The following RRAS2 variants were observed in gnomAD, a reference collection of about 807,000 sequenced individuals.
The protein encoded by RRAS2 is ras-related protein R-Ras2.
In RRAS2, 7 loss-of-function variants were observed where a neutral mutation model predicts 27.6. The observed-to-expected ratio is 0.25, with a 90% confidence interval of 0.14 to 0.48. RRAS2 has a LOEUF of 0.48. Among genes scored for constraint, RRAS2 ranks in the 20% least tolerant of loss-of-function variants. The probability of loss-of-function intolerance (pLI) is 0.99; values close to 1 mark genes in which losing one functional copy is unlikely to be tolerated. For missense variants in RRAS2, 178 were observed against 256.2 expected (o/e 0.69, Z 2.08); for synonymous variants, 86 against 90.9 (o/e 0.95, Z 0.31).
At chr11:14,281,751 A>G in intron 4 of RRAS2, 31 bp from the exon 5 acceptor site, 1 of 1,524,982 alleles carries the variant, frequency 6.6e-7, no homozygotes, top group Non-Finnish European at 9.0e-7. Context: ...TTTATGGTAC[A>G]TTATTAACAA....
chr11:14,317,707 T>C (rs1007854576), intron 1 of RRAS2, among the ~76,000 whole-genome samples: 2 of 152,172 alleles, frequency 1.3e-5, no homozygotes, highest in Non-Finnish European at 2.9e-5. Flanking sequence ...AAGCAGATGA[T>C]GAATGAACTT....
chr11:14,348,877 C>T (rs1481312371), intron 1 of RRAS2, among the ~76,000 whole-genome samples: 1 of 152,172 alleles, frequency 6.6e-6, no homozygotes, highest in African/African-American at 2.4e-5. Flanking sequence ...TGCTTCCTGG[C>T]CATCTTAGCA....
chr11:14,316,991 GCACCTAATTA>G (rs1554949633), intron 1 of RRAS2, among the ~76,000 whole-genome samples: 1 of 152,168 alleles, frequency 6.6e-6, no homozygotes, highest in Non-Finnish European at 1.5e-5. Flanking sequence ...ATTAGAAAAT[GCACCTAATTA>G]CAGAGGTGTT....
intron 1 of RRAS2, among the ~76,000 whole-genome samples, chr11:14,355,885 G>T (rs1300818721): frequency 6.6e-6 from 1 of 152,122 alleles, no homozygotes; most frequent in East Asian, 1.9e-4. Context: ...ATGGTGGAAT[G>T]AATTTTAACA....
At chr11:14,309,759 G>A (rs536395661) in intron 1 of RRAS2, among the ~76,000 whole-genome samples, 3 of 152,284 alleles carry the variant, frequency 2.0e-5, no homozygotes, top group South Asian at 2.1e-4. Flanking sequence ...CAACAAACAT[G>A]AGAGAGTGGT....
intron 1 of RRAS2, among the ~76,000 whole-genome samples, chr11:14,352,163 T>G (rs1477544143): frequency 6.6e-6 from 1 of 152,060 alleles, no homozygotes; most frequent in Non-Finnish European, 1.5e-5. Context: ...TAAAGAGCTT[T>G]CTCCCAGAAA....
At chr11:14,351,273 A>C (rs997279135) in intron 1 of RRAS2, among the ~76,000 whole-genome samples, 2 of 152,254 alleles carry the variant, frequency 1.3e-5, no homozygotes, top group Admixed American at 1.3e-4. Context: ...GTTCCAAAGT[A>C]AGACATGGAA....
At chr11:14,296,981 A>T (rs936729733) in intron 1 of RRAS2, among the ~76,000 whole-genome samples, 10 of 152,156 alleles carry the variant, frequency 6.6e-5, no homozygotes, top group African/African-American at 2.2e-4. Context: ...GTGAGCCATG[A>T]TCATACCACT....
chr11:14,304,776 T>C (rs1346991672), intron 1 of RRAS2, among the ~76,000 whole-genome samples: 2 of 152,212 alleles, frequency 1.3e-5, no homozygotes, highest in African/African-American at 2.4e-5. Flanking sequence ...TAGAGAAGAC[T>C]GCAGCAACTT....
intron 1 of RRAS2, among the ~76,000 whole-genome samples, chr11:14,313,095 C>T (rs1848013680): frequency 6.6e-6 from 1 of 152,208 alleles, no homozygotes; most frequent in African/African-American, 2.4e-5. Flanking sequence ...TAATTTTAAA[C>T]TTTTATGTGG....
At chr11:14,350,566 T>C (rs1172612083) in intron 1 of RRAS2, among the ~76,000 whole-genome samples, 1 of 152,156 alleles carries the variant, frequency 6.6e-6, no homozygotes, top group Non-Finnish European at 1.5e-5. Flanking sequence ...ACCTCTTTTC[T>C]TTATAAATTA....
Position 14,321,904 on chromosome 11 carries a change from T to C in RRAS2, c.109-26049A>G, listed in dbSNP as rs138897348. 2.4e-3 allele frequency among the ~76,000 whole-genome samples: 364 copies of C among 152,344 alleles called. 1 individual carries two copies. Among genetic ancestry groups the C allele is most frequent in the African/African-American group, 8.4e-3 (350 of 41,572 alleles). ...TATAATTCCTCGTACTGTAATCATATGACAATGATTAGTTCATTATAATTA... is the reference window on the plus strand; with the variant it reads ...TATAATTCCTCGTACTGTAATCATACGACAATGATTAGTTCATTATAATTA... On this transcript the variant is annotated intron_variant, in intron 1 of 5. Transcript: ENST00000256196.
intron 4 of RRAS2, among the ~76,000 whole-genome samples, chr11:14,287,542 A>G (rs1554945222): frequency 1.3e-5 from 2 of 152,166 alleles, no homozygotes; most frequent in Non-Finnish European, 1.5e-5. Context: ...TAATTCACAT[A>G]AACAGGAATA....
At chr11:14,282,306 T>G (rs1849561634) in intron 4 of RRAS2, among the ~76,000 whole-genome samples, 1 of 152,184 alleles carries the variant, frequency 6.6e-6, no homozygotes. Flanking sequence ...CATCATTGCA[T>G]TCCCCAAAAC....
chr11:14,314,722 C>T (rs1554949288), intron 1 of RRAS2, among the ~76,000 whole-genome samples: 1 of 152,200 alleles, frequency 6.6e-6, no homozygotes, highest in Non-Finnish European at 1.5e-5. Flanking sequence ...TGGAGTCTCA[C>T]TCTGTCGCCC....
At chr11:14,364,257 G>A in intron 1 of RRAS2, 1 of 831,620 alleles carries the variant, frequency 1.2e-6, no homozygotes, top group Non-Finnish European at 2.0e-6. Context: ...CCAGAGACAG[G>A]ATCTGAGGGT....
chr11:14,336,469 A>G (rs1554952566), intron 1 of RRAS2, among the ~76,000 whole-genome samples: 1 of 152,170 alleles, frequency 6.6e-6, no homozygotes, highest in African/African-American at 2.4e-5. Context: ...CTCCATAAAA[A>G]TGTTTCAACA....
chr11:14,340,104 TG>T (rs1391765286), intron 1 of RRAS2, among the ~76,000 whole-genome samples: 2 of 135,062 alleles, frequency 1.5e-5, no homozygotes, highest in African/African-American at 5.2e-5. Context: ...CACTCCAGCC[TG>T]GGAGACAGGG....
chr11:14,280,510 G>A (rs1363641357), intron 5 of RRAS2, among the ~76,000 whole-genome samples: 3 of 151,692 alleles, frequency 2.0e-5, no homozygotes. Context: ...GGTGGAACAC[G>A]AGGTCAGGAG....
Sources: gnomAD v4.1 joint callset for allele counts (sites outside exome capture counted in the v4.1 genomes callset) on GRCh38, gnomAD v4.1.1 for gene constraint, MANE v1.5 for transcripts, NCBI Gene and HGNC (gene_info 2026-07-23, HGNC 2026-07-21) for gene names.